LRBA: variants seen among roughly 807,000 people sequenced by gnomAD.
The protein encoded by LRBA is lipopolysaccharide-responsive and beige-like anchor protein.
In LRBA, 176 loss-of-function variants were observed where a neutral mutation model predicts 330.0. The observed-to-expected ratio is 0.53, with a 90% CI of 0.47 to 0.60. The LOEUF (loss-of-function observed/expected upper bound fraction) is 0.60. Among genes scored for constraint, LRBA ranks in the 20% least tolerant of loss-of-function variants. The pLI is 0.00. For missense variants in LRBA, 3,259 were observed against 3,444.8 expected, an observed-to-expected ratio of 0.95 and a Z score of 1.35; for synonymous variants, 1,230 against 1,193.0, an observed-to-expected ratio of 1.03 and a Z score of -0.64.
At chr4:150,317,056 A>G (rs1211642163) in intron 50 of LRBA, among the ~76,000 whole-genome samples, 1 of 151,960 alleles carries the variant, frequency 6.6e-6, no homozygotes, top group Non-Finnish European at 1.5e-5. Context: ...CCTATGTGAA[A>G]CCTAGATCAA....
intron 2 of LRBA, among the ~76,000 whole-genome samples, chr4:150,997,796 C>A (rs1742837734): frequency 6.6e-6 from 1 of 151,812 alleles, no homozygotes; most frequent in South Asian, 2.1e-4. Flanking sequence ...CTCCGTCTCC[C>A]GGGTTCAAGC....
intron 37 of LRBA, among the ~76,000 whole-genome samples, chr4:150,607,104 G>C (rs1345541286): frequency 6.6e-6 from 1 of 152,170 alleles, no homozygotes; most frequent in Non-Finnish European, 1.5e-5. Context: ...ATCACAGCTA[G>C]ACAGCCTTAG....
At chr4:150,377,379 C>T (rs929612094) in intron 47 of LRBA, among the ~76,000 whole-genome samples, 1 of 152,174 alleles carries the variant, frequency 6.6e-6, no homozygotes, top group Admixed American at 6.5e-5. Context: ...CACATGAAAA[C>T]CTGGATCTGT....
chr4:150,710,327 CAG>C (rs1159736083), intron 36 of LRBA, among the ~76,000 whole-genome samples: 2 of 152,000 alleles, frequency 1.3e-5, no homozygotes, highest in Non-Finnish European at 2.9e-5. Flanking sequence ...GAGTAGTTAA[CAG>C]GGGAATATAC....
chr4:150,737,739 C>A (rs1368508852), intron 35 of LRBA, among the ~76,000 whole-genome samples: 1 of 151,852 alleles, frequency 6.6e-6, no homozygotes, highest in Non-Finnish European at 1.5e-5. Context: ...AGTTTTGCAA[C>A]CAAGGAAGAT....
chr4:150,415,757 C>T (rs900101483), intron 46 of LRBA, among the ~76,000 whole-genome samples, 167 bp from the exon 47 acceptor site: 4 of 152,084 alleles, frequency 2.6e-5, no homozygotes, highest in African/African-American at 9.7e-5. Flanking sequence ...ATAAGATAGA[C>T]AGATCCTATC....
At chr4:150,987,859 G>A (rs3990470) in intron 2 of LRBA, among the ~76,000 whole-genome samples, 13,378 of 151,698 alleles carry the variant, frequency 0.088, 1,065 homozygotes, top group South Asian at 0.28. Flanking sequence ...AAAAATTGCC[G>A]GGTGTCCTGG....
chr4:150,627,542 A>G (rs2126655160), intron 37 of LRBA, among the ~76,000 whole-genome samples: 1 of 152,154 alleles, frequency 6.6e-6, no homozygotes, highest in South Asian at 2.1e-4. Flanking sequence ...AAATACTGTA[A>G]TTAAAAGAAA....
intron 47 of LRBA, 69 bp downstream of exon 47, chr4:150,415,369 T>C (rs1476909432): frequency 7.0e-7 from 1 of 1,430,978 alleles, no homozygotes. Context: ...TTAATGATTA[T>C]ACACCAACAC....
At chr4:150,372,435 C>T (rs994163500) in intron 47 of LRBA, among the ~76,000 whole-genome samples, 6 of 151,440 alleles carry the variant, frequency 4.0e-5, no homozygotes, top group Non-Finnish European at 2.9e-5. Context: ...CATGGCGAAA[C>T]ACCCTCTCTA....
At chr4:150,531,090 C>G (rs1764013997) in intron 40 of LRBA, among the ~76,000 whole-genome samples, 1 of 152,100 alleles carries the variant, frequency 6.6e-6, no homozygotes. Flanking sequence ...TACTTATTGT[C>G]TCTCTCTCCC....
chr4:150,771,860 G>C (rs748720722), intron 34 of LRBA, among the ~76,000 whole-genome samples: 9 of 152,136 alleles, frequency 5.9e-5, no homozygotes. Flanking sequence ...GAAAGAGGCT[G>C]ACTAGTATCC....
intron 2 of LRBA, among the ~76,000 whole-genome samples, chr4:150,971,680 T>C (rs1739595982): frequency 6.6e-6 from 1 of 152,202 alleles, no homozygotes; most frequent in South Asian, 2.1e-4. Context: ...ATAAGATATA[T>C]TTAATACTAA....
At chr4:150,267,516 G>A (rs890020947) in intron 56 of LRBA, among the ~76,000 whole-genome samples, 4 of 152,078 alleles carry the variant, frequency 2.6e-5, no homozygotes, top group Admixed American at 1.3e-4. Context: ...ATGAAATGCA[G>A]CAAAAGCAAT....
chr4:150,914,194 C>T lies in LRBA; in HGVS notation c.1161+1G>A. 6.2e-7 allele frequency: 1 copy of T among 1,602,770 alleles called. No individual in the cohort carries two copies. The highest frequency in any genetic ancestry group is 8.5e-7 in the Non-Finnish European group (1 of 1,174,120). On this transcript the variant is annotated splice_donor_variant, in intron 9 of 56. Transcript: ENST00000651943. LOFTEE classifies it high-confidence loss of function. ...TAAGCACAAAACAGTAAGCAAACTA[C>T]CTTGTATCCCAGGCCCAACTGATAA...
At chr4:150,597,151 C>A (rs759025381) in intron 38 of LRBA, 1 of 1,082,564 alleles carries the variant, frequency 9.2e-7, no homozygotes, top group East Asian at 2.6e-5. Flanking sequence ...ATTAACCTTT[C>A]AATTACTATC....
At chr4:150,924,905 G>C (rs1733721093) in intron 4 of LRBA, among the ~76,000 whole-genome samples, 1 of 152,046 alleles carries the variant, frequency 6.6e-6, no homozygotes, top group South Asian at 2.1e-4. Flanking sequence ...GTTTGGGGCT[G>C]AGTGTGGTGG....
At chr4:150,437,642 A>C (rs944124005) in intron 44 of LRBA, among the ~76,000 whole-genome samples, 1 of 151,692 alleles carries the variant, frequency 6.6e-6, no homozygotes, top group Non-Finnish European at 1.5e-5. Flanking sequence ...GTCCCAGAGC[A>C]ATATAGCAAC....
At chr4:150,912,193 C>T (rs1732073527) in intron 9 of LRBA, among the ~76,000 whole-genome samples, 1 of 151,998 alleles carries the variant, frequency 6.6e-6, no homozygotes, top group Non-Finnish European at 1.5e-5. Flanking sequence ...TTCCAGGGGT[C>T]CCTAACCAGG....
Sources: allele counts gnomAD v4.1 joint callset (sites outside exome capture counted in the v4.1 genomes callset), GRCh38; gene constraint gnomAD v4.1.1; transcripts MANE v1.5; gene names NCBI Gene and HGNC (gene_info 2026-07-23, HGNC 2026-07-21).